Variants in KIAA1217 observed in about 807,000 individuals in gnomAD.
KIAA1217 encodes the protein KIAA1217.
In KIAA1217, 88 loss-of-function variants were observed where a neutral mutation model predicts 163.9. That is an observed-to-expected ratio of 0.54 (90% CI 0.45 to 0.64). The LOEUF (loss-of-function observed/expected upper bound fraction) is 0.64, where lower values mean the gene tolerates loss of function less well. Ranked by LOEUF, KIAA1217 falls within the 30% of genes least tolerant of loss-of-function variation. KIAA1217 has a pLI of 0.00. For missense variants in KIAA1217, 2,372 were observed against 2,475.0 expected (o/e 0.96, Z 0.88); for synonymous variants, 903 against 923.1 (o/e 0.98, Z 0.39).
intron 2 of KIAA1217, among the ~76,000 whole-genome samples, chr10:24,116,384 C>G (rs1381774756): frequency 6.6e-6 from 1 of 152,066 alleles, no homozygotes; most frequent in Non-Finnish European, 1.5e-5. Context: ...ATATTTTGGG[C>G]TCTGCAGACC....
chr10:24,034,241 C>T (rs937061193), intron 2 of KIAA1217, among the ~76,000 whole-genome samples: 1 of 152,060 alleles, frequency 6.6e-6, no homozygotes, highest in African/African-American at 2.4e-5. Flanking sequence ...AAGTGGGGGT[C>T]TTCTGGCACC....
chr10:24,372,439 A>G (rs993183099), intron 2 of KIAA1217, among the ~76,000 whole-genome samples: 7 of 152,128 alleles, frequency 4.6e-5, no homozygotes, highest in Admixed American at 2.6e-4. Flanking sequence ...TGAGGAAGGA[A>G]CTCAGATAAA....
intron 1 of KIAA1217, among the ~76,000 whole-genome samples, chr10:23,961,856 G>A (rs1844832362): frequency 6.6e-6 from 1 of 152,146 alleles, no homozygotes; most frequent in Non-Finnish European, 1.5e-5. Flanking sequence ...TCCTTGGTTT[G>A]CAGGTGCTCG....
chr10:23,783,973 C>T (rs372028068), intron 1 of KIAA1217, among the ~76,000 whole-genome samples: 45 of 150,566 alleles, frequency 3.0e-4, no homozygotes, highest in African/African-American at 1.0e-3. Flanking sequence ...AAGGTTTTGT[C>T]GATTTTATTT....
chr10:24,131,612 T>A (rs564754350), intron 2 of KIAA1217, among the ~76,000 whole-genome samples: 1 of 152,274 alleles, frequency 6.6e-6, no homozygotes, highest in South Asian at 2.1e-4. Flanking sequence ...CCCATAACAA[T>A]TTTCTAATTA....
At chr10:24,292,428 T>G (rs1394953220) in intron 2 of KIAA1217, among the ~76,000 whole-genome samples, 2 of 152,228 alleles carry the variant, frequency 1.3e-5, no homozygotes, top group East Asian at 3.8e-4. Context: ...CTTGGGGTTC[T>G]GCCTTTACAG....
chr10:24,494,395 G>A (rs947074807), intron 6 of KIAA1217, 105 bp from the exon 7 acceptor site: 5 of 871,374 alleles, frequency 5.7e-6, no homozygotes, highest in Admixed American at 2.4e-5. Flanking sequence ...GAACTTCCAC[G>A]GCCTTCTAGG....
intron 1 of KIAA1217, among the ~76,000 whole-genome samples, chr10:23,707,006 A>G (rs1836929983): frequency 6.6e-6 from 1 of 152,218 alleles, no homozygotes; most frequent in Non-Finnish European, 1.5e-5. Flanking sequence ...CTTTTTATAC[A>G]CATATTCATT....
At chr10:24,221,183 G>T (rs1024884502) in intron 2 of KIAA1217, among the ~76,000 whole-genome samples, 1 of 152,098 alleles carries the variant, frequency 6.6e-6, no homozygotes, top group East Asian at 1.9e-4. Context: ...CCCAACTGTG[G>T]CTAGGGATGT....
intron 1 of KIAA1217, among the ~76,000 whole-genome samples, chr10:23,722,336 G>A (rs1337652106): frequency 6.6e-6 from 1 of 152,094 alleles, no homozygotes; most frequent in Non-Finnish European, 1.5e-5. Context: ...CAATTGAACT[G>A]TACAGTTAAA....
intron 6 of KIAA1217, chr10:24,481,812 C>G (rs2064746637): frequency 6.6e-6 from 1 of 152,076 alleles, no homozygotes; most frequent in Non-Finnish European, 1.5e-5. Context: ...GGTCTCAGAG[C>G]CTTCTTGAGA....
chr10:24,526,213 G>A (rs936786063), intron 13 of KIAA1217, among the ~76,000 whole-genome samples: 2 of 151,912 alleles, frequency 1.3e-5, no homozygotes, highest in African/African-American at 2.4e-5. Context: ...ATATCGAGAC[G>A]ACCTGGCAAA....
At chr10:24,064,163 A>C (rs1199711579) in intron 2 of KIAA1217, among the ~76,000 whole-genome samples, 2 of 152,160 alleles carry the variant, frequency 1.3e-5, no homozygotes, top group Admixed American at 1.3e-4. Context: ...CCCTGGCCAG[A>C]ACTTCCAACA....
At chr10:23,837,750 C>T (rs941054110) in intron 1 of KIAA1217, among the ~76,000 whole-genome samples, 3 of 151,964 alleles carry the variant, frequency 2.0e-5, no homozygotes, top group South Asian at 2.1e-4. Flanking sequence ...TGTGTTGCCT[C>T]GACTGATCTT....
chr10:24,231,055 G>T (rs144653577), intron 2 of KIAA1217, among the ~76,000 whole-genome samples: 2 of 152,212 alleles, frequency 1.3e-5, no homozygotes, highest in African/African-American at 4.8e-5. Context: ...AGTCTGCCTC[G>T]TGTCAGTAAG....
chr10:24,356,809 T>C (rs1430303988), intron 2 of KIAA1217, among the ~76,000 whole-genome samples: 2 of 152,306 alleles, frequency 1.3e-5, no homozygotes, highest in Non-Finnish European at 2.9e-5. Flanking sequence ...TCCAGAACCA[T>C]GAGGAATGAA....
intron 1 of KIAA1217, among the ~76,000 whole-genome samples, chr10:23,755,917 G>T (rs997645361): frequency 1.3e-5 from 2 of 151,738 alleles, no homozygotes; most frequent in African/African-American, 2.4e-5. Context: ...AATACCTTTG[G>T]TTATTATGTG....
chr10:23,755,131 C>T (rs1219200132), intron 1 of KIAA1217, among the ~76,000 whole-genome samples: 3 of 152,136 alleles, frequency 2.0e-5, no homozygotes, highest in African/African-American at 7.2e-5. Context: ...CGGACGCTTC[C>T]AAGCCCAGCT....
intron 2 of KIAA1217, among the ~76,000 whole-genome samples, chr10:24,094,682 G>A (rs893936053): frequency 1.2e-4 from 19 of 152,324 alleles, no homozygotes; most frequent in African/African-American, 4.6e-4. Context: ...GGGGTCAGGG[G>A]TCAGGGACCC....
Sources: gnomAD v4.1 joint callset for allele counts (sites outside exome capture counted in the v4.1 genomes callset) on GRCh38, gnomAD v4.1.1 for gene constraint, MANE v1.5 for transcripts, NCBI Gene and HGNC (gene_info 2026-07-23, HGNC 2026-07-21) for gene names.